TMTC2: variants seen among roughly 807,000 people sequenced by gnomAD.
TMTC2 encodes transmembrane O-mannosyltransferase targeting cadherins 2, also known as protein O-mannosyl-transferase TMTC2.
TMTC2 carries 43 observed loss-of-function variants against 82.4 expected under a neutral mutation model. The observed-to-expected ratio is 0.52, with a 90% CI of 0.41 to 0.67. The LOEUF (loss-of-function observed/expected upper bound fraction) is 0.67, where lower values mean the gene tolerates loss of function less well. TMTC2 is among the 30% of genes least tolerant of loss of function. The pLI is 0.00. For missense variants in TMTC2, 919 were observed against 1,012.4 expected, an observed-to-expected ratio of 0.91 and a Z score of 1.25; for synonymous variants, 408 against 381.9, an observed-to-expected ratio of 1.07 and a Z score of -0.80.
intron 4 of TMTC2, among the ~76,000 whole-genome samples, chr12:82,947,879 T>C (rs1037368700): frequency 1.8e-4 from 27 of 152,094 alleles, no homozygotes; most frequent in African/African-American, 6.5e-4. Context: ...CCTCCATCAT[T>C]CTGTCAACGT....
intron 4 of TMTC2, among the ~76,000 whole-genome samples, chr12:82,959,781 C>T (rs1012212783): frequency 6.6e-6 from 1 of 151,884 alleles, no homozygotes; most frequent in Non-Finnish European, 1.5e-5. Flanking sequence ...AATTTCTGAC[C>T]AAGTCCTCAG....
chr12:83,021,037 G>T (rs1179977592), intron 8 of TMTC2, among the ~76,000 whole-genome samples: 1 of 152,026 alleles, frequency 6.6e-6, no homozygotes, highest in African/African-American at 2.4e-5. Context: ...AATTTGAATG[G>T]TTATTTAAAA....
At chr12:82,829,949 T>C (rs559601724) in intron 1 of TMTC2, among the ~76,000 whole-genome samples, 6 of 152,118 alleles carry the variant, frequency 3.9e-5, no homozygotes, top group Non-Finnish European at 8.8e-5. Context: ...AGGTTTGATA[T>C]TATGGGAAAT....
intron 2 of TMTC2, among the ~76,000 whole-genome samples, chr12:82,869,219 G>A (rs1296944171): frequency 1.3e-5 from 2 of 152,068 alleles, no homozygotes; most frequent in Non-Finnish European, 2.9e-5. Flanking sequence ...ATCATCAGCT[G>A]CTCATGGGGA....
chr12:82,724,669 G>A (rs906449274), intron 1 of TMTC2, among the ~76,000 whole-genome samples: 12 of 151,990 alleles, frequency 7.9e-5, no homozygotes, highest in African/African-American at 2.7e-4. Context: ...GTGTGAAAAC[G>A]GACTAATACA....
chr12:82,747,403 T>G (rs1875746659), intron 1 of TMTC2, among the ~76,000 whole-genome samples: 1 of 152,200 alleles, frequency 6.6e-6, no homozygotes, highest in Non-Finnish European at 1.5e-5. Context: ...TGTCTCCTGA[T>G]TCAAGGTTCA....
chr12:82,729,234 T>C (rs950076392), intron 1 of TMTC2, among the ~76,000 whole-genome samples: 1 of 152,190 alleles, frequency 6.6e-6, no homozygotes, highest in African/African-American at 2.4e-5. Context: ...TAAGGGATTG[T>C]AAATACACCA....
At chr12:82,937,734 G>A (rs1237258942) in intron 4 of TMTC2, among the ~76,000 whole-genome samples, 5 of 24,240 alleles carry the variant, frequency 2.1e-4, no homozygotes, top group African/African-American at 6.4e-4. Context: ...GTGTGGATGT[G>A]TGTGTGTGTG....
At chr12:83,043,428 G>T (rs964055158) in intron 9 of TMTC2, among the ~76,000 whole-genome samples, 5 of 152,224 alleles carry the variant, frequency 3.3e-5, no homozygotes, top group African/African-American at 1.2e-4. Context: ...AAACCAGTTA[G>T]CCCAATTACT....
intron 9 of TMTC2, among the ~76,000 whole-genome samples, chr12:83,032,386 T>C (rs902533922): frequency 4.6e-5 from 7 of 150,946 alleles, no homozygotes; most frequent in South Asian, 4.2e-4. Flanking sequence ...TTGGCCCCCT[T>C]ATTAATCTGG....
chr12:83,079,714 A>G (rs1191787282), intron 11 of TMTC2, among the ~76,000 whole-genome samples: 4 of 152,170 alleles, frequency 2.6e-5, no homozygotes, highest in Non-Finnish European at 5.9e-5. Context: ...AAGTGTCAAC[A>G]TACAAATATT....
intron 1 of TMTC2, among the ~76,000 whole-genome samples, chr12:82,776,648 G>A (rs1344270816): frequency 1.3e-5 from 2 of 150,580 alleles, no homozygotes; most frequent in Non-Finnish European, 3.0e-5. Flanking sequence ...ATCTGGGTGT[G>A]ATGGCACATG....
At chr12:83,060,543 T>C (rs1882703840) in intron 10 of TMTC2, among the ~76,000 whole-genome samples, 1 of 151,784 alleles carries the variant, frequency 6.6e-6, no homozygotes, top group Admixed American at 6.6e-5. Flanking sequence ...CACTCCATTT[T>C]AACTGCAGGA....
At chr12:83,020,777 G>C (rs1185410449) in intron 8 of TMTC2, among the ~76,000 whole-genome samples, 1 of 152,166 alleles carries the variant, frequency 6.6e-6, no homozygotes, top group African/African-American at 2.4e-5. Context: ...ACTCCTTTAA[G>C]TTAGAAGGGA....
rs1330538550 is a variant in TMTC2 at position 83,104,031 on chromosome 12, G to C, written c.2332-28179G>C. 2.0e-5 allele frequency among the ~76,000 whole-genome samples: 3 copies of C among 152,252 alleles called. No individual in the cohort carries two copies. The East Asian group carries it at 5.8e-4, about 29-fold the overall frequency. On this transcript the variant is annotated intron_variant, in intron 11 of 11. Transcript: ENST00000321196. Reference sequence around the variant, plus strand: ...TGCAAGTTCAGACCCCAGCAGGGCAGTGATCAAATCTTAATGCTCCAAAAT... The same window carrying C: ...TGCAAGTTCAGACCCCAGCAGGGCACTGATCAAATCTTAATGCTCCAAAAT...
chr12:82,851,249 G>A (rs1372484414), intron 1 of TMTC2, among the ~76,000 whole-genome samples: 3 of 152,038 alleles, frequency 2.0e-5, no homozygotes, highest in African/African-American at 7.2e-5. Flanking sequence ...GGCCAACATG[G>A]TGAAACCCCA....
intron 1 of TMTC2, among the ~76,000 whole-genome samples, chr12:82,797,071 T>C (rs1233999139): frequency 6.6e-6 from 1 of 152,202 alleles, no homozygotes; most frequent in Non-Finnish European, 1.5e-5. Flanking sequence ...TTTAGTTGCC[T>C]TTCCGATGCA....
At chr12:82,923,507 T>C (rs1875513302) in intron 3 of TMTC2, among the ~76,000 whole-genome samples, 1 of 150,376 alleles carries the variant, frequency 6.6e-6, no homozygotes, top group Non-Finnish European at 1.5e-5. Flanking sequence ...AATCCATTAA[T>C]TTTTTTTTTA....
At chr12:82,774,823 T>C (rs1399989105) in intron 1 of TMTC2, among the ~76,000 whole-genome samples, 1 of 151,886 alleles carries the variant, frequency 6.6e-6, no homozygotes, top group African/African-American at 2.4e-5. Context: ...TGTTTATTAC[T>C]TCTGCTCTCT....
Sources: allele counts gnomAD v4.1 joint callset (sites outside exome capture counted in the v4.1 genomes callset), GRCh38; gene constraint gnomAD v4.1.1; transcripts MANE v1.5; gene names NCBI Gene and HGNC (gene_info 2026-07-23, HGNC 2026-07-21).